DOCK8: variants seen among roughly 807,000 people sequenced by gnomAD.
DOCK8 encodes dedicator of cytokinesis protein 8.
A neutral mutation model predicts 245.6 loss-of-function variants in DOCK8; 141 were observed. The observed-to-expected ratio is 0.57, with a 90% CI of 0.50 to 0.66. The LOEUF is 0.66. Among genes scored for constraint, DOCK8 ranks in the 30% least tolerant of loss-of-function variants. The pLI, the probability that DOCK8 is intolerant of heterozygous loss-of-function variation, is 0.00. For missense variants in DOCK8, 2,965 were observed against 2,603.4 expected (o/e 1.14, Z -3.02); for synonymous variants, 1,168 against 970.2 (o/e 1.20, Z -3.79).
chr9:250,823 C>G (rs1300181217), intron 1 of DOCK8, among the ~76,000 whole-genome samples: 1 of 152,140 alleles, frequency 6.6e-6, no homozygotes, highest in Non-Finnish European at 1.5e-5. Flanking sequence ...TCCTGGCTGT[C>G]CAGCAAAAGG....
At chr9:290,758 T>C (rs2049004945) in intron 4 of DOCK8, among the ~76,000 whole-genome samples, 1 of 152,276 alleles carries the variant, frequency 6.6e-6, no homozygotes, top group South Asian at 2.1e-4. Flanking sequence ...ACATTAGTAG[T>C]TTAAAATTCT....
At chr9:216,873 G>A (rs566071544) in intron 1 of DOCK8, among the ~76,000 whole-genome samples, 7 of 152,094 alleles carry the variant, frequency 4.6e-5, no homozygotes, top group Non-Finnish European at 1.0e-4. Context: ...GTGTCACCTG[G>A]GGGTTAAGAA....
At chr9:225,148 C>T (rs150633955) in intron 1 of DOCK8, among the ~76,000 whole-genome samples, 119 of 147,428 alleles carry the variant, frequency 8.1e-4, no homozygotes, top group African/African-American at 2.9e-3. Context: ...GACAAGCAGC[C>T]TATGCCCTCA....
intron 23 of DOCK8, among the ~76,000 whole-genome samples, chr9:387,815 T>C (rs961953317): frequency 6.6e-6 from 1 of 152,256 alleles, no homozygotes; most frequent in African/African-American, 2.4e-5. Flanking sequence ...ACCATTTTCC[T>C]TTCTTAAAAA....
At chr9:393,389 G>T (rs976227318) in intron 24 of DOCK8, among the ~76,000 whole-genome samples, 2 of 152,146 alleles carry the variant, frequency 1.3e-5, no homozygotes, top group South Asian at 2.1e-4. Flanking sequence ...TACTATATAT[G>T]TGCCAGGCAG....
In DOCK8 at chr9:464,318, G is replaced by A. The variant is rs554634853; in HGVS notation, c.*99G>A. ...GGACATTTGCCACCCAGGACTGACT[G>A]TACACTCCCTGATCAGCCAGCACTC... On this transcript the variant is annotated 3_prime_UTR_variant, in exon 48 of 48. Transcript: ENST00000432829. 7.7e-4 allele frequency: 766 copies of A among 992,492 alleles called. 1 individual carries two copies. The highest frequency in any genetic ancestry group is 1.0e-3 in the Non-Finnish European group (640 of 614,572). The allele number at this position is 992,492 out of a possible 1,614,324, so 61.5% of individuals were successfully genotyped here. A position where few individuals can be genotyped will look rare whatever the true frequency, so the allele number is the denominator to read the frequency against.
At chr9:293,818 G>A (rs1431001293) in intron 4 of DOCK8, among the ~76,000 whole-genome samples, 1 of 152,218 alleles carries the variant, frequency 6.6e-6, no homozygotes, top group Non-Finnish European at 1.5e-5. Context: ...TTGTTAATTA[G>A]TGATTAATTA....
chr9:282,205 C>T (rs573263650), intron 2 of DOCK8, among the ~76,000 whole-genome samples: 2 of 152,248 alleles, frequency 1.3e-5, no homozygotes, highest in East Asian at 1.9e-4. Flanking sequence ...TGCCTGTGAT[C>T]CTCTGTATCC....
At chr9:354,803 A>G (rs1215403300) in intron 14 of DOCK8, among the ~76,000 whole-genome samples, 1 of 152,212 alleles carries the variant, frequency 6.6e-6, no homozygotes, top group East Asian at 1.9e-4. Context: ...TGGCTTCGTC[A>G]AAACAAGCAA....
chr9:266,216 A>G (rs1446101677), intron 1 of DOCK8, among the ~76,000 whole-genome samples: 1 of 152,152 alleles, frequency 6.6e-6, no homozygotes, highest in Non-Finnish European at 1.5e-5. Flanking sequence ...TTTGCTAACA[A>G]GGAACTGTGC....
At chr9:346,832 G>A (rs969803951) in intron 14 of DOCK8, among the ~76,000 whole-genome samples, 3 of 148,668 alleles carry the variant, frequency 2.0e-5, no homozygotes, top group Non-Finnish European at 2.9e-5. Context: ...GAATGTCTGC[G>A]AGTTATGATT....
intron 33 of DOCK8, among the ~76,000 whole-genome samples, chr9:426,630 T>G (rs2056511720): frequency 6.6e-6 from 1 of 152,154 alleles, no homozygotes; most frequent in Non-Finnish European, 1.5e-5. Context: ...ATAGTGTTAT[T>G]TTTATAATTG....
chr9:421,388 C>G (rs992714053), intron 32 of DOCK8, among the ~76,000 whole-genome samples: 3 of 152,116 alleles, frequency 2.0e-5, no homozygotes, highest in Non-Finnish European at 2.9e-5. Context: ...GTGTTTCCCT[C>G]AAGGCTGAGG....
rs758568765 is a variant in DOCK8, at chr9:407,002, C to A, written c.3463C>A (p.Gln1155Lys). The A allele has an allele frequency of 6.2e-7, 1 of 1,614,198 alleles. No homozygotes were observed. The highest frequency in any genetic ancestry group is 1.7e-5 in the Admixed American group (1 of 60,020). The change falls in exon 28 of 48, where the codon CAG (glutamine) becomes AAG (lysine). Residue 1155 changes from glutamine (Q) to lysine (K), a missense_variant. Gln to Lys is a moderately conservative substitution (Grantham distance 53, BLOSUM62 1). Around this residue, in one of 3 missense-constraint regions of DOCK8, gnomAD observed 2,825 missense variants for 2,453.5 expected, o/e 1.15. Transcript: ENST00000432829. Reference protein sequence around the residue: ...SMFDLTSEYRQQHFLTGLLFT... With the variant: ...SMFDLTSEYRKQHFLTGLLFT... ...GTTCGATCTGACTTCCGAGTACCGC[C>A]AGCAGCACTTCCTCACCGGGCTCCT...
chr9:420,342 A>T (rs995911293), intron 30 of DOCK8, 59 bp from the exon 31 acceptor site: 2 of 1,600,992 alleles, frequency 1.2e-6, no homozygotes, highest in African/African-American at 2.7e-5. Context: ...TTAAGCCTCA[A>T]ATTTTTCTGT....
intron 7 of DOCK8, among the ~76,000 whole-genome samples, chr9:324,939 T>TA (rs1390672639): frequency 1.3e-5 from 2 of 152,152 alleles, no homozygotes; most frequent in Non-Finnish European, 2.9e-5. Flanking sequence ...GTGTACATTG[T>TA]ACCCAGTATG....
intron 8 of DOCK8, among the ~76,000 whole-genome samples, chr9:326,808 G>A (rs971466197): frequency 6.6e-6 from 1 of 152,288 alleles, no homozygotes; most frequent in East Asian, 1.9e-4. Flanking sequence ...CTGGAAGTTT[G>A]ATACATTGCT....
chr9:286,314 A>G (rs1586600091), intron 2 of DOCK8, 147 bp from the exon 3 acceptor site: 1 of 827,472 alleles, frequency 1.2e-6, no homozygotes, highest in East Asian at 2.7e-5. Flanking sequence ...TGTGTTTGAC[A>G]GCTCCTCCAA....
At chr9:260,443 G>A (rs2047891943) in intron 1 of DOCK8, among the ~76,000 whole-genome samples, 2 of 152,244 alleles carry the variant, frequency 1.3e-5, no homozygotes, top group South Asian at 2.1e-4. Context: ...AGAATAGCCA[G>A]TAAATTCAGT....
Sources: allele counts gnomAD v4.1 joint callset (sites outside exome capture counted in the v4.1 genomes callset), GRCh38; gene constraint gnomAD v4.1.1; regional missense constraint gnomAD v4.1.1; transcripts MANE v1.5; gene names NCBI Gene and HGNC (gene_info 2026-07-23, HGNC 2026-07-21).